The following DMBT1 variants were observed in gnomAD, a reference collection of about 807,000 sequenced individuals.
The protein encoded by DMBT1 is scavenger receptor cysteine-rich domain-containing protein DMBT1.
A neutral mutation model predicts 252.9 loss-of-function variants in DMBT1; 198 were observed. The observed-to-expected ratio is 0.78, with a 90% CI of 0.70 to 0.88. DMBT1 has a LOEUF of 0.88. Among genes scored for constraint, DMBT1 ranks in the 40% least tolerant of loss-of-function variants. The probability of loss-of-function intolerance (pLI) is 0.00; values close to 1 mark genes in which losing one functional copy is unlikely to be tolerated. For missense variants in DMBT1, 2,432 were observed against 2,404.7 expected, an observed-to-expected ratio of 1.01 and a Z score of -0.24; for synonymous variants, 990 against 942.7, an observed-to-expected ratio of 1.05 and a Z score of -0.92.
chr10:122,643,437 A>C lies in DMBT1; in HGVS notation c.*39A>C, dbSNP rs1296078700. 6.3e-7 allele frequency: 1 copy of C among 1,575,060 alleles called. No individual in the cohort carries two copies. The highest frequency in any genetic ancestry group is 8.6e-7 in the Non-Finnish European group (1 of 1,158,824). On this transcript the variant is annotated 3_prime_UTR_variant, in exon 56 of 56. Coordinates refer to ENST00000338354, the MANE Select transcript of DMBT1 (RefSeq NM_001377530.1). ...GACCCCACTGTCCACCGGGGCGCAG[A>C]CCCCTGACTCGGGGACTTGGGATGT...
chr10:122,570,017 C>T (rs41302733), intron 2 of DMBT1, 145 bp from the exon 3 acceptor site: 14,090 of 777,172 alleles, frequency 0.018, 213 homozygotes, highest in Non-Finnish European at 0.022. Context: ...AGTGATGGAG[C>T]GATTGGCACA....
In DMBT1 at chr10:122,576,513, C is replaced by A. The variant is rs772836684; in HGVS notation, c.398C>A (p.Thr133Asn). 1 of 1,613,960 alleles carries A rather than the reference C, an allele frequency of 6.2e-7. No homozygotes were observed. Residue 133 changes from threonine to asparagine, a missense_variant, in exon 7 of 56, where the codon ACC becomes AAC. Thr to Asn is a moderately conservative substitution (Grantham distance 65). This residue lies in a region of DMBT1 where 1,264 missense variants were observed against 1,082.2 expected (regional missense o/e 1.17). Transcript: ENST00000338354. ...ACCGTGTGTGATGACAGCTGGGACA[C>A]CAATGATGCCAACGTGGTCTGTAGG... ...WGTVCDDSWD[T>N]NDANVVCRQL...
At chr10:122,634,988 T>C (rs140145778) in intron 52 of DMBT1, among the ~76,000 whole-genome samples, 1,781 of 152,292 alleles carry the variant, frequency 0.012, 21 homozygotes, top group Non-Finnish European at 0.016. Context: ...GCTTTAGTGA[T>C]TCATTTGGGA....
chr10:122,561,934 G>A (rs993805218), intron 1 of DMBT1, among the ~76,000 whole-genome samples: 1 of 147,076 alleles, frequency 6.8e-6, no homozygotes, highest in African/African-American at 2.5e-5. Context: ...TTCAACTATT[G>A]GGCAACTATT....
In DMBT1 at chr10:122,598,946, A is replaced by T; in HGVS notation, c.3129A>T (p.Pro1043=). The T allele has an allele frequency of 6.2e-7, 1 of 1,613,808 alleles. No individual in the cohort carries two copies. Among genetic ancestry groups the T allele is most frequent in the Non-Finnish European group, 8.5e-7 (1 of 1,179,730 alleles). The change falls in exon 26 of 56, where the codon CCA becomes CCT. Residue 1043 remains proline (P), a synonymous_variant. Coordinates refer to ENST00000338354, the MANE Select transcript of DMBT1 (RefSeq NM_001377530.1). ...QLGCGWAMSA[P]GNARFGQGSG... ...GCTGTGGCTGGGCCATGTCAGCCCC[A>T]GGAAATGCCCGGTTTGGTCAGGGCT...
intron 44 of DMBT1, 148 bp from the exon 45 acceptor site, chr10:122,625,129 C>A: frequency 1.3e-6 from 1 of 753,920 alleles, no homozygotes; most frequent in East Asian, 2.7e-5. Flanking sequence ...TGAGACTAAC[C>A]GTTAAGGTTT....
Position 122,643,545 on chromosome 10 carries a change from C to T in DMBT1, c.*147C>T. The T allele has an allele frequency of 8.5e-7, 1 of 1,175,038 alleles. No homozygotes were observed. Among genetic ancestry groups the T allele is most frequent in the South Asian group, 1.6e-5 (1 of 63,578 alleles). The allele number at this position is 1,175,038 out of a possible 1,614,324, so 72.8% of individuals were successfully genotyped here. The stretch of plus-strand genomic sequence containing the variant: ...ATACGGAGTTGAATCAGACCTGGTT[C>T]CCGCCTCCCCCAAGGCTCATGGTCC... On this transcript the variant is annotated 3_prime_UTR_variant, in exon 56 of 56. Transcript: ENST00000338354.
intron 42 of DMBT1, among the ~76,000 whole-genome samples, chr10:122,619,908 C>T (rs558662063): frequency 3.9e-5 from 6 of 152,346 alleles, no homozygotes; most frequent in African/African-American, 1.2e-4. Flanking sequence ...CCCCTTTGGG[C>T]GGCTCCTTGG....
At chr10:122,630,161 C>T (rs1565962854) in intron 47 of DMBT1, 127 bp from the exon 48 acceptor site, 3 of 1,347,286 alleles carry the variant, frequency 2.2e-6, no homozygotes, top group Non-Finnish European at 3.1e-6. Context: ...TGTCCTTTGA[C>T]TTAATTGAGG....
intron 26 of DMBT1, among the ~76,000 whole-genome samples, 171 bp downstream of exon 26, chr10:122,599,268 T>A (rs1189936456): frequency 1.3e-5 from 2 of 152,248 alleles, no homozygotes; most frequent in Admixed American, 6.5e-5. Context: ...CTAGTGTTCC[T>A]GTGGTCACTT....
intron 2 of DMBT1, among the ~76,000 whole-genome samples, chr10:122,566,652 A>G (rs1303953885): frequency 6.6e-6 from 1 of 152,182 alleles, no homozygotes; most frequent in Non-Finnish European, 1.5e-5. Context: ...CTTGAAGATA[A>G]CTAACATCTA....
At chr10:122,569,804 T>C (rs1162543392) in intron 2 of DMBT1, among the ~76,000 whole-genome samples, 1 of 152,226 alleles carries the variant, frequency 6.6e-6, no homozygotes, top group Non-Finnish European at 1.5e-5. Flanking sequence ...ATATCAGTGA[T>C]GGTGAATGTT....
chr10:122,586,030 T>C, intron 15 of DMBT1, 30 bp from the exon 16 acceptor site: 1 of 1,587,574 alleles, frequency 6.3e-7, no homozygotes, highest in Non-Finnish European at 8.6e-7. Flanking sequence ...ATGATAGGGA[T>C]GGATGAAGGG....
chr10:122,635,332 T>A (rs2133688251), intron 52 of DMBT1, among the ~76,000 whole-genome samples: 1 of 152,334 alleles, frequency 6.6e-6, no homozygotes, highest in African/African-American at 2.4e-5. Context: ...ATTGATTTTA[T>A]TCTGTGGGGG....
chr10:122,597,906 A>T, intron 24 of DMBT1, 68 bp from the exon 25 acceptor site: 1 of 1,611,282 alleles, frequency 6.2e-7, no homozygotes, highest in Non-Finnish European at 8.5e-7. Flanking sequence ...CCTTCTCCGG[A>T]GACCTTTCCT....
chr10:122,571,209 T>C (rs1197397904), intron 4 of DMBT1, among the ~76,000 whole-genome samples: 1 of 152,224 alleles, frequency 6.6e-6, no homozygotes, highest in Non-Finnish European at 1.5e-5. Context: ...TAAGTAGTAC[T>C]GCCCCTTTTC....
intron 40 of DMBT1, 147 bp downstream of exon 40, chr10:122,617,407 C>T (rs552674251): frequency 8.6e-6 from 9 of 1,045,286 alleles, no homozygotes; most frequent in African/African-American, 6.5e-5. Context: ...TCTAGGGAGT[C>T]AGCCCTGGGT....
At chr10:122,580,752 T>C in intron 10 of DMBT1, 114 bp from the exon 11 acceptor site, 1 of 1,417,686 alleles carries the variant, frequency 7.1e-7, no homozygotes, top group African/African-American at 1.4e-5. Context: ...CCCTGTGTGA[T>C]AGGAACTAGG....
intron 2 of DMBT1, 145 bp downstream of exon 2, chr10:122,566,141 C>T (rs907007495): frequency 3.7e-5 from 31 of 837,326 alleles, no homozygotes; most frequent in Non-Finnish European, 5.1e-5. Context: ...GGACAGGAGA[C>T]GTGCGTGCCA....
Sources: allele counts gnomAD v4.1 joint callset (sites outside exome capture counted in the v4.1 genomes callset), GRCh38; gene constraint gnomAD v4.1.1; regional missense constraint gnomAD v4.1.1; transcripts MANE v1.5; gene names NCBI Gene and HGNC (gene_info 2026-07-23, HGNC 2026-07-21).